The following GARIN1B variants were observed in gnomAD, a reference collection of about 807,000 sequenced individuals.
GARIN1B encodes the protein Golgi-associated RAB2 interactor protein 1B.
the GARIN1B span, among the ~76,000 whole-genome samples, chr7:128,724,293 G>A: frequency 6.6e-6 from 1 of 152,242 alleles, no homozygotes; most frequent in Non-Finnish European, 1.5e-5. Flanking sequence ...CTACAGGCGT[G>A]AGCCACTGTG....
At chr7:128,731,072 C>G in the GARIN1B span, 1 of 1,604,242 alleles carries the variant, frequency 6.2e-7, no homozygotes, top group Non-Finnish European at 8.5e-7. Context: ...TATATCCTAT[C>G]AAACACTTTT....
chr7:128,713,638 T>A, the GARIN1B span, among the ~76,000 whole-genome samples: 12 of 152,208 alleles, frequency 7.9e-5, no homozygotes, highest in African/African-American at 2.9e-4. Context: ...CTTAGCATCT[T>A]GTTTAGAGCT....
the GARIN1B span, chr7:128,714,015 CAA>C: frequency 2.0e-6 from 3 of 1,533,212 alleles, no homozygotes; most frequent in East Asian, 4.9e-5. Flanking sequence ...ACCTGGTAAA[CAA>C]AAGATAATGA....
chr7:128,721,656 T>C, the GARIN1B span, among the ~76,000 whole-genome samples: 1 of 152,220 alleles, frequency 6.6e-6, no homozygotes, highest in African/African-American at 2.4e-5. Flanking sequence ...CAGACATCCT[T>C]GTCTTGTTCC....
the GARIN1B span, among the ~76,000 whole-genome samples, chr7:128,720,274 T>C: frequency 6.6e-6 from 1 of 150,550 alleles, no homozygotes; most frequent in South Asian, 2.1e-4. Flanking sequence ...TCTTAGCTCA[T>C]TGCAACCTCC....
At chr7:128,715,697 T>A in the GARIN1B span, 5 of 1,610,634 alleles carry the variant, frequency 3.1e-6, no homozygotes, top group Non-Finnish European at 4.2e-6. Flanking sequence ...CCAGGTATTC[T>A]TGGGTGGCGC....
At chr7:128,725,795 T>C in the GARIN1B span, among the ~76,000 whole-genome samples, 2 of 151,764 alleles carry the variant, frequency 1.3e-5, no homozygotes, top group African/African-American at 4.8e-5. Context: ...CCATTTTGCA[T>C]AGACATGTAC....
the GARIN1B span, chr7:128,726,948 C>T: frequency 1.5e-6 from 2 of 1,349,462 alleles, no homozygotes; most frequent in Non-Finnish European, 1.1e-6. Context: ...CTCCAGCCCC[C>T]ATCCTGGTTG....
chr7:128,725,836 G>A, the GARIN1B span, among the ~76,000 whole-genome samples: 1 of 152,206 alleles, frequency 6.6e-6, no homozygotes, highest in African/African-American at 2.4e-5. Context: ...GTGCTCCCCA[G>A]GGAGAAGGCA....
the GARIN1B span, chr7:128,718,773 A>G: frequency 6.3e-7 from 1 of 1,579,312 alleles, no homozygotes; most frequent in African/African-American, 1.3e-5. Context: ...TTTAACGAAG[A>G]CAGGGTCAGA....
chr7:128,722,482 T>C, the GARIN1B span, among the ~76,000 whole-genome samples: 1 of 152,134 alleles, frequency 6.6e-6, no homozygotes, highest in Non-Finnish European at 1.5e-5. Flanking sequence ...CAGCACACTA[T>C]AGGATATTTC....
At chr7:128,717,888 GAT>G in the GARIN1B span, among the ~76,000 whole-genome samples, 1 of 151,928 alleles carries the variant, frequency 6.6e-6, no homozygotes, top group Admixed American at 6.6e-5. Flanking sequence ...TAATCTGTAG[GAT>G]ATCTCAAGAA....
the GARIN1B span, among the ~76,000 whole-genome samples, chr7:128,711,417 A>G: frequency 6.6e-6 from 1 of 152,066 alleles, no homozygotes; most frequent in Non-Finnish European, 1.5e-5. Context: ...TGTCCTAAAA[A>G]GGGGAATATA....
the GARIN1B span, chr7:128,715,775 C>A: frequency 8.2e-7 from 1 of 1,225,246 alleles, no homozygotes. Flanking sequence ...ATCCCTGAAA[C>A]TGGGGCAGAG....
At chr7:128,717,722 C>T in the GARIN1B span, among the ~76,000 whole-genome samples, 3 of 150,204 alleles carry the variant, frequency 2.0e-5, no homozygotes, top group African/African-American at 7.3e-5. Flanking sequence ...GCTGGGATTA[C>T]GGGCGTGAGC....
At chr7:128,714,242 G>A in the GARIN1B span, 2 of 1,132,438 alleles carry the variant, frequency 1.8e-6, no homozygotes, top group Non-Finnish European at 2.6e-6. Flanking sequence ...CTGTCTATAT[G>A]TGTTACATTT....
At chr7:128,713,593 A>T in the GARIN1B span, among the ~76,000 whole-genome samples, 1 of 152,184 alleles carries the variant, frequency 6.6e-6, no homozygotes, top group African/African-American at 2.4e-5. Context: ...AGAATTACAG[A>T]TGTGAGCCAC....
At chr7:128,724,649 A>T in the GARIN1B span, 26 of 1,130,786 alleles carry the variant, frequency 2.3e-5, no homozygotes, top group African/African-American at 3.9e-4. Flanking sequence ...ATAAAGTGGG[A>T]TCCAGGGTCC....
the GARIN1B span, among the ~76,000 whole-genome samples, chr7:128,730,367 T>C: frequency 1.3e-5 from 2 of 152,066 alleles, no homozygotes; most frequent in South Asian, 2.1e-4. Context: ...TGGTCTTTCC[T>C]CTCTTTTCCT....
Sources: gnomAD v4.1 joint callset for allele counts (sites outside exome capture counted in the v4.1 genomes callset) on GRCh38, gnomAD v4.1.1 for gene constraint, MANE v1.5 for transcripts, NCBI Gene and HGNC (gene_info 2026-07-23, HGNC 2026-07-21) for gene names.